The following PRIM2 variants were observed in gnomAD, a reference collection of about 807,000 sequenced individuals.
The protein encoded by PRIM2 is DNA primase subunit 2, also known as DNA primase large subunit.
A neutral mutation model predicts 67.3 loss-of-function variants in PRIM2; 39 were observed. The ratio of observed to expected loss-of-function variants is 0.58; its 90% CI spans 0.45 to 0.76. PRIM2 has a LOEUF of 0.76. Among genes scored for constraint, PRIM2 ranks in the 30% least tolerant of loss-of-function variants. The probability of loss-of-function intolerance (pLI) is 0.00; values close to 1 mark genes in which losing one functional copy is unlikely to be tolerated. For synonymous variants in PRIM2, 143 were observed against 198.7 expected (o/e 0.72, Z 2.36); for missense variants, 398 against 598.7 (o/e 0.66, Z 3.50).
At chr6:57,492,688 A>G (rs1773925292) in intron 7 of PRIM2, among the ~76,000 whole-genome samples, 1 of 152,202 alleles carries the variant, frequency 6.6e-6, no homozygotes, top group Non-Finnish European at 1.5e-5. Flanking sequence ...TCTCTATGCT[A>G]AGTCTTTGAA....
chr6:57,559,634 C>T (rs1775589861), intron 10 of PRIM2, among the ~76,000 whole-genome samples: 2 of 152,218 alleles, frequency 1.3e-5, no homozygotes, highest in Admixed American at 6.5e-5. Context: ...TATTTAACAT[C>T]GCTAAGGTGG....
chr6:57,545,572 A>C (rs1438693853), intron 10 of PRIM2, among the ~76,000 whole-genome samples: 1 of 152,158 alleles, frequency 6.6e-6, no homozygotes, highest in Non-Finnish European at 1.5e-5. Context: ...CTGGGATTAC[A>C]GGCATGTGCC....
At chr6:57,255,281 G>A in the PRIM2 span, among the ~76,000 whole-genome samples, 17 of 152,046 alleles carry the variant, frequency 1.1e-4, no homozygotes, top group East Asian at 1.9e-4. Flanking sequence ...GGCGGATCAC[G>A]AGGTCAGGAG....
Position 57,474,173 on chromosome 6 carries a change from C to CTT in PRIM2, c.694-33185_694-33184dup, listed in dbSNP as rs1158188964. On this transcript the variant is annotated intron_variant, in intron 7 of 13. Transcript: ENST00000615550. ...TCTACTTTTTCTGCAATTCTGCTAT[C>CTT]TTTTTTTTTTTTTTTTTTTTTTTTT... 3.3e-3 allele frequency among the ~76,000 whole-genome samples: 208 copies of CTT among 63,972 alleles called. 49 individuals are homozygous for CTT. Among genetic ancestry groups the CTT allele is most frequent in the African/African-American group, 0.011 (167 of 15,208 alleles). 42.0% of individuals were successfully genotyped at this position (63,972 alleles called of 152,430 possible). A position where few individuals can be genotyped will look rare whatever the true frequency, so the allele number is the denominator to read the frequency against.
intron 12 of PRIM2, among the ~76,000 whole-genome samples, chr6:57,627,279 C>CAAAAAAAAAAAAAAA (rs1158722297): frequency 8.2e-5 from 2 of 24,534 alleles, no homozygotes; most frequent in Non-Finnish European, 1.6e-4. Flanking sequence ...GACTCTGTCT[C>CAAAAAAAAAAAAAAA]AAAAAAAAAA....
intron 8 of PRIM2, among the ~76,000 whole-genome samples, chr6:57,520,536 T>C: frequency 6.6e-6 from 1 of 152,216 alleles, no homozygotes; most frequent in Middle Eastern, 3.4e-3. Context: ...CTCATGAAAA[T>C]AGATATGTTT....
chr6:57,345,017 C>G (rs1368226925), intron 5 of PRIM2, among the ~76,000 whole-genome samples: 2 of 149,564 alleles, frequency 1.3e-5, no homozygotes, highest in Non-Finnish European at 3.0e-5. Context: ...ATATAGGACT[C>G]TTTGTATTCT....
At chr6:57,479,354 T>TA (rs1394947801) in intron 7 of PRIM2, among the ~76,000 whole-genome samples, 27 of 150,858 alleles carry the variant, frequency 1.8e-4, no homozygotes, top group African/African-American at 4.4e-4. Flanking sequence ...TGTAGACTAC[T>TA]AAAAAAAAAG....
intron 5 of PRIM2, among the ~76,000 whole-genome samples, chr6:57,329,893 A>G (rs965929514): frequency 6.6e-6 from 1 of 152,108 alleles, no homozygotes. Flanking sequence ...TGTGGTCTTG[A>G]TTATTGGTTA....
intron 5 of PRIM2, among the ~76,000 whole-genome samples, chr6:57,348,872 A>G (rs1768766761): frequency 6.6e-6 from 1 of 150,386 alleles, no homozygotes; most frequent in Non-Finnish European, 1.5e-5. Flanking sequence ...TCAGTCTCCC[A>G]AGTAGCTGGG....
At chr6:57,320,354 A>G (rs1767611820) in intron 2 of PRIM2, 103 bp from the exon 3 acceptor site, 10 of 713,728 alleles carry the variant, frequency 1.4e-5, no homozygotes, top group Non-Finnish European at 2.3e-5. Context: ...ATTACCTGTC[A>G]TGTTCTGTAA....
intron 5 of PRIM2, among the ~76,000 whole-genome samples, chr6:57,348,874 G>A (rs1488720435): frequency 6.7e-6 from 1 of 150,264 alleles, no homozygotes; most frequent in Non-Finnish European, 1.5e-5. Context: ...AGTCTCCCAA[G>A]TAGCTGGGAC....
chr6:57,306,023 C>G, the PRIM2 span, among the ~76,000 whole-genome samples: 14,768 of 152,170 alleles, frequency 0.097, 797 homozygotes, highest in African/African-American at 0.14. Flanking sequence ...ATTATTTCCC[C>G]ATGGCTAAAC....
intron 13 of PRIM2, among the ~76,000 whole-genome samples, chr6:57,644,038 A>T (rs1202101508): frequency 0.39 from 59,370 of 151,776 alleles, 11,927 homozygotes; most frequent in East Asian, 0.68. Flanking sequence ...TAATCTACTA[A>T]AAGATTATAC....
chr6:57,589,930 G>A (rs1776257800), intron 10 of PRIM2, among the ~76,000 whole-genome samples: 2 of 152,246 alleles, frequency 1.3e-5, no homozygotes, highest in Admixed American at 1.3e-4. Context: ...GAAACAAAGA[G>A]CCAGGAGAAG....
chr6:57,288,474 A>G, the PRIM2 span, among the ~76,000 whole-genome samples: 1 of 152,164 alleles, frequency 6.6e-6, no homozygotes, highest in South Asian at 2.1e-4. Flanking sequence ...AGCTTTGAGA[A>G]TGGACAGACT....
chr6:57,297,871 C>G, the PRIM2 span, among the ~76,000 whole-genome samples: 39 of 152,180 alleles, frequency 2.6e-4, 1 homozygote, highest in East Asian at 7.5e-3. Context: ...AAAGACAAAG[C>G]AAGGCTCAAG....
At chr6:57,352,814 G>A (rs1350961278) in intron 5 of PRIM2, among the ~76,000 whole-genome samples, 3 of 151,776 alleles carry the variant, frequency 2.0e-5, no homozygotes, top group African/African-American at 7.3e-5. Flanking sequence ...ATATATACCA[G>A]TCCATTCAGT....
intron 7 of PRIM2, among the ~76,000 whole-genome samples, chr6:57,435,874 G>T (rs1393449131): frequency 6.6e-6 from 1 of 152,136 alleles, no homozygotes; most frequent in Non-Finnish European, 1.5e-5. Context: ...TTCTTTTAAT[G>T]CACCAATGGG....
Sources: gnomAD v4.1 joint callset for allele counts (sites outside exome capture counted in the v4.1 genomes callset) on GRCh38, gnomAD v4.1.1 for gene constraint, MANE v1.5 for transcripts, NCBI Gene and HGNC (gene_info 2026-07-23, HGNC 2026-07-21) for gene names.